Variants in NET1 observed in about 807,000 individuals in gnomAD.
NET1 encodes neuroepithelial cell transforming 1, also known as neuroepithelial cell-transforming gene 1 protein.
A neutral mutation model predicts 61.1 loss-of-function variants in NET1; 42 were observed. That is an observed-to-expected ratio of 0.69 (90% CI 0.54 to 0.89). NET1 has a LOEUF of 0.89. Among genes scored for constraint, NET1 ranks in the 40% least tolerant of loss-of-function variants. The pLI is 0.00. For missense variants in NET1, 654 were observed against 747.3 expected, an observed-to-expected ratio of 0.88 and a Z score of 1.46; for synonymous variants, 254 against 281.8, an observed-to-expected ratio of 0.90 and a Z score of 0.99.
rs903595980 is a variant in NET1, at chr10:5,452,143, T to C, written c.363+206T>C. ...GCATCTTATATTAATTTGCATCTTA[T>C]AATGCATAGTCTTGGCTAGTTTTTA... On this transcript the variant is annotated intron_variant, in intron 4 of 11. Coordinates refer to ENST00000355029, the MANE Select transcript of NET1 (RefSeq NM_001047160.3). This position sits in a 1 kb window ranked among gnomAD's most constrained non-coding sequence, Gnocchi z 4.0. Among the ~76,000 whole-genome samples, 1 of 152,244 alleles carries C rather than the reference T, an allele frequency of 6.6e-6. No homozygotes were observed. Among genetic ancestry groups the C allele is most frequent in the Admixed American group, 6.5e-5 (1 of 15,290 alleles).
chr10:5,449,490 A>G lies in NET1; in HGVS notation c.256-2340A>G, dbSNP rs910838529. On this transcript the variant is annotated intron_variant, in intron 3 of 11. Coordinates refer to ENST00000355029, the MANE Select transcript of NET1 (RefSeq NM_001047160.3). The surrounding 1 kb of genome is among the most constrained non-coding windows in gnomAD (Gnocchi z 4.4). Reference sequence around the variant, plus strand: ...GGGATTATAGTTGGATTTTTAAAGGACTGTGGAACATATTTAACCACCAAA... The same window carrying G: ...GGGATTATAGTTGGATTTTTAAAGGGCTGTGGAACATATTTAACCACCAAA... Among the ~76,000 whole-genome samples the G allele has an allele frequency of 6.6e-6, 1 of 152,224 alleles. No individual in the cohort carries two copies. The highest frequency in any genetic ancestry group is 1.5e-5 in the Non-Finnish European group (1 of 68,048).
intron 3 of NET1, among the ~76,000 whole-genome samples, chr10:5,430,737 T>C (rs1832335450): frequency 6.6e-6 from 1 of 152,160 alleles, no homozygotes; most frequent in Non-Finnish European, 1.5e-5. Flanking sequence ...CAGATTCAGT[T>C]CAGAATTCAT....
At chr10:5,433,482 G>A (rs781064782) in intron 3 of NET1, among the ~76,000 whole-genome samples, 1 of 152,214 alleles carries the variant, frequency 6.6e-6, no homozygotes, top group Non-Finnish European at 1.5e-5. Context: ...CCCTGGAGTT[G>A]AGTAGATTCT....
Position 5,444,609 on chromosome 10 carries a change from C to T in NET1, c.256-7221C>T, listed in dbSNP as rs1832575265. 1.3e-5 allele frequency among the ~76,000 whole-genome samples: 2 copies of T among 152,034 alleles called. No individual in the cohort carries two copies. On this transcript the variant is annotated intron_variant, in intron 3 of 11. Transcript: ENST00000355029. This position sits in a 1 kb window ranked among gnomAD's most constrained non-coding sequence, Gnocchi z 5.3. ...CCTTGGCTTTTGCTTTGTTTCTTTC[C>T]TTCTAACTATTCCTTTTGCAGAATT...
In NET1 at chr10:5,420,402, G is replaced by A. The variant is rs60550888; in HGVS notation, c.129-6253G>A. 1.4e-3 allele frequency among the ~76,000 whole-genome samples: 217 copies of A among 152,114 alleles called. 1 individual carries two copies. The highest frequency in any genetic ancestry group is 4.6e-3 in the African/African-American group (192 of 41,506). Reference sequence around the variant, plus strand: ...TTTATAACTCAGGTGGAATATATTTGGTATGTTGTATAAGATGTATTTGGG... The same window carrying A: ...TTTATAACTCAGGTGGAATATATTTAGTATGTTGTATAAGATGTATTTGGG... On this transcript the variant is annotated intron_variant, in intron 1 of 11. Coordinates refer to ENST00000355029, the MANE Select transcript of NET1 (RefSeq NM_001047160.3). This position sits in a 1 kb window ranked among gnomAD's most constrained non-coding sequence, Gnocchi z 5.3.
intron 1 of NET1, among the ~76,000 whole-genome samples, chr10:5,414,326 T>G (rs1832046120): frequency 6.6e-6 from 1 of 152,190 alleles, no homozygotes; most frequent in Non-Finnish European, 1.5e-5. Flanking sequence ...AATGAGCCAA[T>G]GGCATGACAT....
In NET1 at chr10:5,412,616, A is replaced by G. The variant is rs1000229985; in HGVS notation, c.-77A>G. ...CGCTGACAGGCGCTTTCTGCCTGGCAGAGGCTGGCGGGCATCGTGCCCGTC... is the reference window on the plus strand; with the variant it reads ...CGCTGACAGGCGCTTTCTGCCTGGCGGAGGCTGGCGGGCATCGTGCCCGTC... On this transcript the variant is annotated 5_prime_UTR_variant, in exon 1 of 12. Transcript: ENST00000355029. This position sits in a 1 kb window ranked among gnomAD's most constrained non-coding sequence, Gnocchi z 6.5. 3 of 1,400,410 alleles carry G rather than the reference A, an allele frequency of 2.1e-6. No homozygotes were observed. The highest frequency in any genetic ancestry group is 1.5e-5 in the South Asian group (1 of 67,104). 86.7% of individuals were successfully genotyped at this position (1,400,410 alleles called of 1,614,324 possible).
Position 5,419,303 on chromosome 10 carries a change from C to CTTGGTTGG in NET1, c.128+6518_128+6525dup, listed in dbSNP as rs71294428. Among the ~76,000 whole-genome samples, 221 of 142,540 alleles carry CTTGGTTGG rather than the reference C, an allele frequency of 1.6e-3. 1 individual carries two copies. The highest frequency in any genetic ancestry group is 3.6e-3 in the East Asian group (18 of 5,068). 93.5% of individuals were successfully genotyped at this position (142,540 alleles called of 152,430 possible). A position where few individuals can be genotyped will look rare whatever the true frequency, so the allele number is the denominator to read the frequency against. On this transcript the variant is annotated intron_variant, in intron 1 of 11. Coordinates refer to ENST00000355029, the MANE Select transcript of NET1 (RefSeq NM_001047160.3). ...TCCTGTGGACAGCATATAGTTGGAT[C>CTTGGTTGG]TTGGTTGGTTGGTTGGTTGGTTGGT...
chr10:5,454,349 A>G lies in NET1; in HGVS notation c.853A>G (p.Arg285Gly), dbSNP rs776894777. ...ALLDQKKQDP[R>G]VQDFLQRCLE... ...TCTTGATCAAAAGAAACAGGATCCA[A>G]GAGTCCAAGACTTCCTCCAGCGATG... The change falls in exon 9 of 12, where the codon AGA becomes GGA. Residue 285 changes from arginine (R) to glycine (G), a missense_variant. Coordinates refer to ENST00000355029, the MANE Select transcript of NET1 (RefSeq NM_001047160.3). This position sits in a 1 kb window ranked among gnomAD's most constrained non-coding sequence, Gnocchi z 8.1. 1.9e-6 allele frequency: 3 copies of G among 1,614,222 alleles called. No homozygotes were observed. In the South Asian group the frequency reaches 3.3e-5, roughly 18 times the overall value.
rs1189071095 is a variant in NET1 at position 5,446,639 on chromosome 10, A to G, written c.256-5191A>G. On this transcript the variant is annotated intron_variant, in intron 3 of 11. Coordinates refer to ENST00000355029, the MANE Select transcript of NET1 (RefSeq NM_001047160.3). The surrounding 1 kb of genome is among the most constrained non-coding windows in gnomAD (Gnocchi z 5.0). Reference sequence around the variant, plus strand: ...CCTCTGCTCCACCGCGGCGAGAGGCATGGGCACGTGGCTGCCGAGGGTGGC... The same window carrying G: ...CCTCTGCTCCACCGCGGCGAGAGGCGTGGGCACGTGGCTGCCGAGGGTGGC... 39 of 1,290,968 alleles carry G rather than the reference A, an allele frequency of 3.0e-5. No homozygotes were observed. The highest frequency in any genetic ancestry group is 3.5e-5 in the Non-Finnish European group (36 of 1,014,436). The allele number at this position is 1,290,968 out of a possible 1,614,324, so 80.0% of individuals were successfully genotyped here.
In NET1 at chr10:5,454,213, G is replaced by A. The variant is rs969670725; in HGVS notation, c.769-52G>A. 5 of 1,542,154 alleles carry A rather than the reference G, an allele frequency of 3.2e-6. No homozygotes were observed. The stretch of plus-strand genomic sequence containing the variant: ...GTTTCATGTTTGCAGGCTTGTTAAT[G>A]CACTCGGTCATAACAGGAACACATC... On this transcript the variant is annotated intron_variant, in intron 8 of 11. Transcript: ENST00000355029. The surrounding 1 kb of genome is among the most constrained non-coding windows in gnomAD (Gnocchi z 8.1).
In NET1 at chr10:5,454,514, G is replaced by A. The variant is rs774324552; in HGVS notation, c.1018G>A (p.Glu340Lys). 3 of 1,613,398 alleles carry A rather than the reference G, an allele frequency of 1.9e-6. No homozygotes were observed. The highest frequency in any genetic ancestry group is 2.5e-6 in the Non-Finnish European group (3 of 1,179,822). ...PKEHPDVQLLEDAILIIQGVL... is the reference protein window; with the variant it reads ...PKEHPDVQLLKDAILIIQGVL... Reference sequence around the variant, plus strand: ...AGAGCACCCTGATGTTCAGCTTCTGGAGGATGCTGTAAGTAGTCCCTTAAG... The same window carrying A: ...AGAGCACCCTGATGTTCAGCTTCTGAAGGATGCTGTAAGTAGTCCCTTAAG... The change falls in exon 9 of 12, where the codon GAG (glutamate) becomes AAG (lysine). Residue 340 changes from glutamate (E) to lysine (K), a missense_variant. Coordinates refer to ENST00000355029, the MANE Select transcript of NET1 (RefSeq NM_001047160.3). The surrounding 1 kb of genome is among the most constrained non-coding windows in gnomAD (Gnocchi z 8.1).
chr10:5,448,663 GAT>G (rs778615920), intron 3 of NET1, among the ~76,000 whole-genome samples: 198 of 94,670 alleles, frequency 2.1e-3, no homozygotes, highest in Non-Finnish European at 2.9e-3. Context: ...TATTCCCATG[GAT>G]TTTTGGATTT....
chr10:5,425,143 A>G (rs1184445802), intron 1 of NET1, among the ~76,000 whole-genome samples: 4 of 152,132 alleles, frequency 2.6e-5, no homozygotes, highest in Middle Eastern at 3.4e-3. Flanking sequence ...GTTAATTGCT[A>G]TTTTTCTTTC....
chr10:5,434,831 C>T (rs1163605821), intron 3 of NET1, among the ~76,000 whole-genome samples: 1 of 151,244 alleles, frequency 6.6e-6, no homozygotes, highest in Non-Finnish European at 1.5e-5. Context: ...GAAACACTGA[C>T]ATACACTAGT....
At position 5,437,414 on chromosome 10, in the gene NET1, CT is replaced by C. The variant is rs1328148194; in HGVS notation, c.255+8189del. On this transcript the variant is annotated intron_variant, in intron 3 of 11. Transcript: ENST00000355029. This position sits in a 1 kb window ranked among gnomAD's most constrained non-coding sequence, Gnocchi z 4.3. ...AAGTACCATAATCTATTTAACCAGT[CT>C]TTTAAGAATGGCTATTTTTGTATAT... Among the ~76,000 whole-genome samples, 1 of 151,998 alleles carries C rather than the reference CT, an allele frequency of 6.6e-6. No individual in the cohort carries two copies. Among genetic ancestry groups the C allele is most frequent in the African/African-American group, 2.4e-5 (1 of 41,376 alleles).
intron 3 of NET1, among the ~76,000 whole-genome samples, chr10:5,448,264 A>T (rs1832649943): frequency 6.6e-6 from 1 of 152,224 alleles, no homozygotes; most frequent in Admixed American, 6.5e-5. Context: ...TCATTAGAAG[A>T]AAAAGCCTTT....
chr10:5,429,081 A>G, intron 2 of NET1, 89 bp from the exon 3 acceptor site: 1 of 979,356 alleles, frequency 1.0e-6, no homozygotes, highest in South Asian at 1.6e-5. Flanking sequence ...ACTTTTTTAA[A>G]TTGATTTTTC....
At chr10:5,425,669 C>T (rs1161762192) in intron 1 of NET1, among the ~76,000 whole-genome samples, 1 of 152,178 alleles carries the variant, frequency 6.6e-6, no homozygotes, top group East Asian at 1.9e-4. Context: ...CCTGAGCCTT[C>T]TCTTTTTTCC....
Sources: gnomAD v4.1 joint callset for allele counts (sites outside exome capture counted in the v4.1 genomes callset) on GRCh38, gnomAD v4.1.1 for gene constraint, Gnocchi (gnomAD v3.1) non-coding constraint, MANE v1.5 for transcripts, NCBI Gene and HGNC (gene_info 2026-07-23, HGNC 2026-07-21) for gene names.